SAXO4: variants seen among roughly 807,000 people sequenced by gnomAD.
SAXO4 encodes the protein stabilizer of axonemal microtubules 4, also known as protein phosphatase 1 regulatory subunit 32.
the SAXO4 span, among the ~76,000 whole-genome samples, chr11:61,485,564 A>T: frequency 6.6e-6 from 1 of 152,180 alleles, no homozygotes. Flanking sequence ...GGCTGACCTC[A>T]GTACCTTGGG....
At chr11:61,489,697 T>G in the SAXO4 span, 2 of 1,439,692 alleles carry the variant, frequency 1.4e-6, no homozygotes, top group Non-Finnish European at 1.9e-6. Flanking sequence ...GGCTGGGCGA[T>G]CTGAGGGTCG....
the SAXO4 span, chr11:61,490,062 A>G: frequency 6.6e-6 from 7 of 1,060,706 alleles, no homozygotes; most frequent in Admixed American, 2.7e-5. Context: ...TGAGAGGCCC[A>G]TCTCCTCTGG....
the SAXO4 span, among the ~76,000 whole-genome samples, chr11:61,488,368 G>A: frequency 6.8e-6 from 1 of 147,568 alleles, no homozygotes; most frequent in African/African-American, 2.5e-5. Context: ...GCAGTGGTGC[G>A]ATCTCGGCTC....
the SAXO4 span, chr11:61,484,680 C>T: frequency 6.2e-7 from 1 of 1,613,220 alleles, no homozygotes; most frequent in African/African-American, 1.3e-5. Flanking sequence ...GGCCCTTCTT[C>T]CTCCCAGGTC....
chr11:61,483,523 C>G, the SAXO4 span, among the ~76,000 whole-genome samples: 2 of 152,120 alleles, frequency 1.3e-5, no homozygotes, highest in Admixed American at 1.3e-4. Context: ...AGCACCACCA[C>G]CAAAATGGAC....
chr11:61,485,294 C>G, the SAXO4 span: 1 of 1,568,484 alleles, frequency 6.4e-7, no homozygotes, highest in Admixed American at 1.7e-5. Context: ...CCTTCGGGGC[C>G]CTGGTGGGTC....
the SAXO4 span, chr11:61,486,950 G>GC: frequency 6.2e-7 from 1 of 1,613,576 alleles, no homozygotes; most frequent in East Asian, 2.2e-5. Context: ...CCCTGCAGGT[G>GC]CCCCCTCCCT....
chr11:61,486,367 C>T, the SAXO4 span: 2 of 1,614,118 alleles, frequency 1.2e-6, no homozygotes, highest in Non-Finnish European at 8.5e-7. Flanking sequence ...GCCAGAGTGT[C>T]ACCAAGTCAG....
chr11:61,482,233 C>T, the SAXO4 span: 366 of 1,327,828 alleles, frequency 2.8e-4, no homozygotes, highest in South Asian at 1.6e-3. Context: ...CTGTGCCCCT[C>T]GGAGGACGCT....
At chr11:61,485,437 C>G in the SAXO4 span, 5 of 1,582,630 alleles carry the variant, frequency 3.2e-6, no homozygotes, top group Non-Finnish European at 3.5e-6. Flanking sequence ...CCCTTCCCAT[C>G]TTCCAATCCA....
chr11:61,486,439 G>C, the SAXO4 span: 1 of 1,613,740 alleles, frequency 6.2e-7, no homozygotes, highest in Non-Finnish European at 8.5e-7. Context: ...GGACCGCCTG[G>C]CGGGGAGCAG....
chr11:61,490,620 G>A, the SAXO4 span: 1 of 1,556,908 alleles, frequency 6.4e-7, no homozygotes, highest in African/African-American at 1.4e-5. Context: ...CAGCTGCTCT[G>A]GTTGTGTGGG....
the SAXO4 span, chr11:61,482,919 T>G: frequency 8.8e-7 from 1 of 1,138,496 alleles, no homozygotes; most frequent in Non-Finnish European, 1.2e-6. Context: ...AGCAGCCACC[T>G]TGTAGGGATG....
the SAXO4 span, chr11:61,490,486 C>T: frequency 9.9e-6 from 16 of 1,613,056 alleles, no homozygotes; most frequent in African/African-American, 2.1e-4. Flanking sequence ...ACACTCTCCT[C>T]TTGCCTCCCT....
the SAXO4 span, chr11:61,486,718 A>T: frequency 8.9e-7 from 1 of 1,118,122 alleles, no homozygotes; most frequent in South Asian, 1.3e-5. Flanking sequence ...TAGGATATTT[A>T]GGGATGTGGA....
the SAXO4 span, among the ~76,000 whole-genome samples, chr11:61,487,514 T>C: frequency 6.6e-6 from 1 of 152,074 alleles, no homozygotes; most frequent in African/African-American, 2.4e-5. Flanking sequence ...TAGAAAACAG[T>C]GTAAAGCACA....
At chr11:61,482,278 T>C in the SAXO4 span, 2 of 1,597,400 alleles carry the variant, frequency 1.3e-6, no homozygotes, top group African/African-American at 1.3e-5. Flanking sequence ...GTTTTTGACC[T>C]TGGGGTCTGT....
At chr11:61,489,918 C>T in the SAXO4 span, 1 of 1,612,350 alleles carries the variant, frequency 6.2e-7, no homozygotes, top group East Asian at 2.2e-5. Context: ...CATGGAGAGC[C>T]TGCGGCACCT....
chr11:61,487,041 C>T, the SAXO4 span: 26 of 1,613,926 alleles, frequency 1.6e-5, no homozygotes, highest in South Asian at 9.9e-5. Context: ...CCTGCTTGGC[C>T]GGGAGACTGT....
Sources: gnomAD v4.1 joint callset for allele counts (sites outside exome capture counted in the v4.1 genomes callset) on GRCh38, gnomAD v4.1.1 for gene constraint, MANE v1.5 for transcripts, NCBI Gene and HGNC (gene_info 2026-07-23, HGNC 2026-07-21) for gene names.